Variants in EML6 observed in about 807,000 individuals in gnomAD.
The protein encoded by EML6 is echinoderm microtubule-associated protein-like 6.
In EML6, 154 loss-of-function variants were observed where a neutral mutation model predicts 240.1. That is an observed-to-expected ratio of 0.64 (90% CI 0.56 to 0.73). The LOEUF is 0.73. Ranked by LOEUF, EML6 falls within the 30% of genes least tolerant of loss-of-function variation. The pLI, the probability that EML6 is intolerant of heterozygous loss-of-function variation, is 0.00. For missense variants in EML6, 2,964 were observed against 2,474.6 expected (o/e 1.20, Z -4.20); for synonymous variants, 1,148 against 899.0 (o/e 1.28, Z -4.95).
At chr2:54,967,274 G>C (rs1676789497) in intron 39 of EML6, 171 bp downstream of exon 39, 1 of 497,682 alleles carries the variant, frequency 2.0e-6, no homozygotes, top group South Asian at 2.5e-5. Flanking sequence ...TTAGGTCACT[G>C]GCTTTGATCT....
At chr2:54,878,684 G>T (rs1391812388) in intron 16 of EML6, among the ~76,000 whole-genome samples, 1 of 152,128 alleles carries the variant, frequency 6.6e-6, no homozygotes, top group East Asian at 1.9e-4. Context: ...AAGCAGACAA[G>T]CGATGTGAAA....
intron 2 of EML6, among the ~76,000 whole-genome samples, chr2:54,800,209 C>T (rs1670052586): frequency 6.6e-6 from 1 of 152,200 alleles, no homozygotes; most frequent in Non-Finnish European, 1.5e-5. Context: ...CACACTACTG[C>T]ACTCCAGCCT....
At chr2:54,866,035 A>G (rs868559035) in intron 13 of EML6, among the ~76,000 whole-genome samples, 2 of 152,324 alleles carry the variant, frequency 1.3e-5, no homozygotes, top group South Asian at 4.1e-4. Context: ...AGTAGACAAA[A>G]CAGTAGTGAG....
Position 54,875,922 on chromosome 2 carries a change from A to G in EML6, c.2345-3625A>G, listed in dbSNP as rs561908238. The stretch of plus-strand genomic sequence containing the variant: ...TTCGTAGAATAATACTGATTTCCAT[A>G]AGGGCACATCTAAGACTTGATTTCA... On this transcript the variant is annotated intron_variant, in intron 16 of 41. Transcript: ENST00000356458. Among the ~76,000 whole-genome samples, 9 of 152,320 alleles carry G rather than the reference A, an allele frequency of 5.9e-5. No individual in the cohort carries two copies. The South Asian group carries it at 1.9e-3, about 32-fold the overall frequency.
intron 5 of EML6, among the ~76,000 whole-genome samples, chr2:54,826,294 G>A (rs1572959503): frequency 6.6e-6 from 1 of 152,154 alleles, no homozygotes; most frequent in Non-Finnish European, 1.5e-5. Context: ...TAACCTGAGG[G>A]GGGGCTATAT....
At chr2:54,921,106 C>A (rs974537872) in intron 26 of EML6, among the ~76,000 whole-genome samples, 1 of 151,572 alleles carries the variant, frequency 6.6e-6, no homozygotes, top group Non-Finnish European at 1.5e-5. Flanking sequence ...GAAGTCCTAG[C>A]CAGAGCAATT....
At chr2:54,907,294 G>A (rs970274478) in intron 24 of EML6, among the ~76,000 whole-genome samples, 14 of 152,276 alleles carry the variant, frequency 9.2e-5, no homozygotes, top group African/African-American at 3.1e-4. Context: ...GTGACCTGAG[G>A]TGAGGAGTTT....
intron 29 of EML6, 100 bp downstream of exon 29, chr2:54,949,060 G>A: frequency 1.1e-6 from 1 of 879,406 alleles, no homozygotes. Context: ...AAATGAAACG[G>A]AGTAGGTCCC....
chr2:54,816,944 C>T (rs902144692), intron 4 of EML6, 59 bp downstream of exon 4: 20 of 1,025,848 alleles, frequency 1.9e-5, no homozygotes, highest in Non-Finnish European at 2.5e-5. Flanking sequence ...CTTGTGATAT[C>T]GCGTCTCAGA....
chr2:54,857,329 T>A (rs901808590), intron 11 of EML6, among the ~76,000 whole-genome samples: 2 of 152,124 alleles, frequency 1.3e-5, no homozygotes, highest in Admixed American at 1.3e-4. Flanking sequence ...ACATGAGGGC[T>A]GAGGCCTGAG....
chr2:54,960,378 G>C (rs1490148862), intron 35 of EML6, 44 bp downstream of exon 35: 2 of 1,423,788 alleles, frequency 1.4e-6, no homozygotes, highest in Non-Finnish European at 1.9e-6. Context: ...AGGGAAGGGG[G>C]AAGTGTAGGT....
chr2:54,775,461 G>A (rs1479812827), intron 2 of EML6, among the ~76,000 whole-genome samples: 1 of 152,084 alleles, frequency 6.6e-6, no homozygotes, highest in African/African-American at 2.4e-5. Flanking sequence ...CCCTCATTTT[G>A]TGCAGATTTC....
chr2:54,792,204 C>A (rs1356930089), intron 2 of EML6, among the ~76,000 whole-genome samples: 1 of 152,122 alleles, frequency 6.6e-6, no homozygotes, highest in Non-Finnish European at 1.5e-5. Flanking sequence ...GTAATATTTT[C>A]TTATTTCTAT....
intron 2 of EML6, among the ~76,000 whole-genome samples, chr2:54,757,975 C>G (rs999582644): frequency 6.6e-6 from 1 of 150,738 alleles, no homozygotes; most frequent in Non-Finnish European, 1.5e-5. Flanking sequence ...TTTAAAATAA[C>G]TCCCTATCTT....
At chr2:54,878,164 C>T (rs1360930040) in intron 16 of EML6, among the ~76,000 whole-genome samples, 1 of 152,134 alleles carries the variant, frequency 6.6e-6, no homozygotes, top group Non-Finnish European at 1.5e-5. Context: ...TACTGCTTAC[C>T]TGAAATGCCA....
chr2:54,730,584 G>A (rs929003700), intron 2 of EML6, among the ~76,000 whole-genome samples: 63 of 152,308 alleles, frequency 4.1e-4, no homozygotes, highest in Admixed American at 3.5e-3. Flanking sequence ...TCTGCGAGGG[G>A]AAGAGATTTA....
rs554954398 is a variant in EML6 at position 54,970,429 on chromosome 2, A to T, written c.*334A>T. 1 of 301,786 alleles carries T rather than the reference A, an allele frequency of 3.3e-6. No individual in the cohort carries two copies. The highest frequency in any genetic ancestry group is 2.1e-5 in the African/African-American group (1 of 48,054). The allele number at this position is 301,786 out of a possible 1,614,324, so 18.7% of individuals were successfully genotyped here. A position where few individuals can be genotyped will look rare whatever the true frequency, so the allele number is the denominator to read the frequency against. On this transcript the variant is annotated 3_prime_UTR_variant, in exon 42 of 42. Transcript: ENST00000356458. ...CGAATTTTGAAGCCTCGGTTACCCT[A>T]ACCAATATGTAGCTTTTAATTTGCA... is the stretch of plus-strand genomic sequence containing the variant.
chr2:54,897,243 G>A (rs769357232), intron 21 of EML6, among the ~76,000 whole-genome samples: 1 of 152,106 alleles, frequency 6.6e-6, no homozygotes, highest in Non-Finnish European at 1.5e-5. Context: ...TACACTTGAG[G>A]TAGTTTGGTT....
intron 16 of EML6, among the ~76,000 whole-genome samples, chr2:54,878,539 G>A (rs1018441912): frequency 3.2e-4 from 49 of 152,084 alleles, no homozygotes; most frequent in African/African-American, 1.2e-3. Flanking sequence ...CAAATTAAGT[G>A]TTTTTATTTG....
Sources: allele counts gnomAD v4.1 joint callset (sites outside exome capture counted in the v4.1 genomes callset), GRCh38; gene constraint gnomAD v4.1.1; transcripts MANE v1.5; gene names NCBI Gene and HGNC (gene_info 2026-07-23, HGNC 2026-07-21).